Variants in CSMD1 observed in about 807,000 individuals in gnomAD.
CSMD1 encodes the protein CUB and Sushi multiple domains 1.
In CSMD1, 213 loss-of-function variants were observed where a neutral mutation model predicts 417.5. The ratio of observed to expected loss-of-function variants is 0.51; its 90% CI spans 0.46 to 0.57. CSMD1 has a LOEUF of 0.57. Ranked by LOEUF, CSMD1 falls within the 20% of genes least tolerant of loss-of-function variation. The pLI, the probability that CSMD1 is intolerant of heterozygous loss-of-function variation, is 0.00. For synonymous variants in CSMD1, 2,862 were observed against 1,736.8 expected (o/e 1.65, Z -16.11); for missense variants, 6,923 against 4,529.7 (o/e 1.53, Z -15.17).
At chr8:4,803,051 T>A (rs976031020) in intron 1 of CSMD1, among the ~76,000 whole-genome samples, 1 of 152,160 alleles carries the variant, frequency 6.6e-6, no homozygotes, top group Non-Finnish European at 1.5e-5. Context: ...TCTAATTCAA[T>A]AAAAACAGAT....
chr8:3,762,609 G>T (rs1457700994), intron 5 of CSMD1, among the ~76,000 whole-genome samples: 1 of 152,208 alleles, frequency 6.6e-6, no homozygotes, highest in Non-Finnish European at 1.5e-5. Flanking sequence ...CCCATGACTT[G>T]GCCCTAAGCC....
intron 3 of CSMD1, among the ~76,000 whole-genome samples, chr8:4,168,584 T>C (rs1797588419): frequency 6.6e-6 from 1 of 152,084 alleles, no homozygotes; most frequent in East Asian, 1.9e-4. Flanking sequence ...AGACGGGCTT[T>C]GCAGGGACAA....
At chr8:4,917,092 C>T (rs751166708) in intron 1 of CSMD1, among the ~76,000 whole-genome samples, 3 of 152,114 alleles carry the variant, frequency 2.0e-5, no homozygotes, top group Non-Finnish European at 2.9e-5. Flanking sequence ...GGAAGCACGG[C>T]TGTGGAGGCC....
chr8:4,213,810 A>G (rs931839561), intron 3 of CSMD1, among the ~76,000 whole-genome samples: 1 of 152,186 alleles, frequency 6.6e-6, no homozygotes, highest in Non-Finnish European at 1.5e-5. Flanking sequence ...ACTTGCATTG[A>G]GAAAGATAAG....
intron 5 of CSMD1, among the ~76,000 whole-genome samples, chr8:3,959,981 G>C (rs1203060581): frequency 6.6e-6 from 1 of 152,200 alleles, no homozygotes; most frequent in Admixed American, 6.5e-5. Context: ...ATAACAAAGA[G>C]TGTGTTAATC....
In CSMD1 at chr8:3,364,524, A is replaced by G. The variant is rs375302179; in HGVS notation, c.3115+2508T>C. ...TTTATAATGACAGTGTCAGCTGTGTAGTTACATTCTGACTTTTATATGGTC... is the reference window on the plus strand; with the variant it reads ...TTTATAATGACAGTGTCAGCTGTGTGGTTACATTCTGACTTTTATATGGTC... On this transcript the variant is annotated intron_variant, in intron 20 of 69. Transcript: ENST00000635120. 6.8e-4 allele frequency among the ~76,000 whole-genome samples: 104 copies of G among 152,298 alleles called. No homozygotes were observed. The South Asian group carries it at 0.013, about 19-fold the overall frequency.
At chr8:4,132,110 C>A (rs1225878560) in intron 3 of CSMD1, among the ~76,000 whole-genome samples, 1 of 151,724 alleles carries the variant, frequency 6.6e-6, no homozygotes, top group Non-Finnish European at 1.5e-5. Flanking sequence ...TATGGATCCC[C>A]AAAGTCTGTC....
intron 1 of CSMD1, among the ~76,000 whole-genome samples, chr8:4,751,948 G>A (rs1309814416): frequency 6.6e-6 from 1 of 152,086 alleles, no homozygotes; most frequent in Non-Finnish European, 1.5e-5. Flanking sequence ...CTGAGAGTGG[G>A]GGAAGTGCAA....
Position 3,027,241 on chromosome 8 carries a change from A to G in CSMD1, c.7855+2078T>C, listed in dbSNP as rs1809999690. Among the ~76,000 whole-genome samples the G allele has an allele frequency of 2.6e-5, 4 of 152,166 alleles. No individual in the cohort carries two copies. In the South Asian group the frequency reaches 8.3e-4, roughly 32 times the overall value. On this transcript the variant is annotated intron_variant, in intron 51 of 69. Transcript: ENST00000635120. ...AGTTTGGTCACAAAAGTAACAATAT[A>G]CTCCATGTCAGCTTTCCCCAGCACA...
At chr8:3,611,227 G>C (rs1011244244) in intron 8 of CSMD1, among the ~76,000 whole-genome samples, 1 of 146,274 alleles carries the variant, frequency 6.8e-6, no homozygotes, top group Non-Finnish European at 1.5e-5. Context: ...AAAACTTAAA[G>C]TATAATAATA....
chr8:4,957,566 G>C (rs185318077), intron 1 of CSMD1, among the ~76,000 whole-genome samples: 378 of 152,082 alleles, frequency 2.5e-3, no homozygotes, highest in Non-Finnish European at 4.4e-3. Context: ...CAGTGTCTTT[G>C]TAGACAATTA....
chr8:3,733,535 G>GA (rs1796375288), intron 6 of CSMD1, among the ~76,000 whole-genome samples: 1 of 151,890 alleles, frequency 6.6e-6, no homozygotes, highest in Non-Finnish European at 1.5e-5. Flanking sequence ...AAAAATTTCA[G>GA]AAAAAAACAA....
intron 6 of CSMD1, among the ~76,000 whole-genome samples, chr8:3,752,616 T>C (rs1386501673): frequency 2.2e-5 from 3 of 136,054 alleles, no homozygotes; most frequent in Admixed American, 8.5e-5. Context: ...ACTGCACCAC[T>C]GCACTCCAGC....
chr8:4,044,904 C>T (rs1454109042), intron 3 of CSMD1, among the ~76,000 whole-genome samples: 1 of 150,832 alleles, frequency 6.6e-6, no homozygotes, highest in African/African-American at 2.4e-5. Flanking sequence ...CTGACTTCTC[C>T]CACAAAAAGT....
In CSMD1 at chr8:4,863,020, T is replaced by G. The variant is rs140527348; in HGVS notation, c.85+131312A>C. ...CCCCCGTAGATCAAGGGGAACACAC[T>G]CTGACAGCGACCCTTGGGCTTGACA... On this transcript the variant is annotated intron_variant, in intron 1 of 69. Coordinates refer to ENST00000635120, the MANE Select transcript of CSMD1 (RefSeq NM_033225.6). Among the ~76,000 whole-genome samples the G allele has an allele frequency of 1.3e-3, 205 of 152,118 alleles. 2 individuals carry two copies. The highest frequency in any genetic ancestry group is 4.6e-3 in the African/African-American group (192 of 41,438).
At chr8:3,747,676 C>T (rs756697903) in intron 6 of CSMD1, among the ~76,000 whole-genome samples, 137 of 151,982 alleles carry the variant, frequency 9.0e-4, no homozygotes, top group Non-Finnish European at 1.4e-3. Flanking sequence ...CCTGTTGTGC[C>T]TAGCTGCTCA....
At chr8:4,235,400 T>C (rs1262441927) in intron 3 of CSMD1, among the ~76,000 whole-genome samples, 2 of 152,026 alleles carry the variant, frequency 1.3e-5, no homozygotes, top group African/African-American at 4.8e-5. Context: ...TTACTCAGGG[T>C]ACTTAGCACA....
chr8:2,967,838 G>C (rs947729182), intron 57 of CSMD1, among the ~76,000 whole-genome samples: 1 of 152,074 alleles, frequency 6.6e-6, no homozygotes, highest in African/African-American at 2.4e-5. Flanking sequence ...ACTGGGAGTC[G>C]AGGGACTACC....
At chr8:3,345,871 A>G (rs1333469656) in intron 22 of CSMD1, among the ~76,000 whole-genome samples, 1 of 152,188 alleles carries the variant, frequency 6.6e-6, no homozygotes, top group Non-Finnish European at 1.5e-5. Context: ...TATTTCCAAA[A>G]TTAATTGCGT....
Sources: allele counts gnomAD v4.1 joint callset (sites outside exome capture counted in the v4.1 genomes callset), GRCh38; gene constraint gnomAD v4.1.1; transcripts MANE v1.5; gene names NCBI Gene and HGNC (gene_info 2026-07-23, HGNC 2026-07-21).